Variants in ARHGAP15 observed in about 807,000 individuals in gnomAD.
The protein encoded by ARHGAP15 is rho GTPase-activating protein 15.
A neutral mutation model predicts 63.7 loss-of-function variants in ARHGAP15; 51 were observed. The ratio of observed to expected loss-of-function variants is 0.80; its 90% CI spans 0.64 to 1.01. ARHGAP15 has a LOEUF of 1.01. Among genes scored for constraint, ARHGAP15 ranks in the 50% least tolerant of loss-of-function variants. The pLI is 0.00. For synonymous variants in ARHGAP15, 191 were observed against 193.8 expected (o/e 0.99, Z 0.12); for missense variants, 560 against 564.6 (o/e 0.99, Z 0.08).
At chr2:143,520,876 G>A (rs781180699) in intron 10 of ARHGAP15, among the ~76,000 whole-genome samples, 3 of 152,064 alleles carry the variant, frequency 2.0e-5, no homozygotes, top group East Asian at 1.9e-4. Context: ...GTAAAGAAGC[G>A]CTCCATTCCT....
intron 6 of ARHGAP15, among the ~76,000 whole-genome samples, chr2:143,286,837 A>G (rs185543111): frequency 2.0e-5 from 3 of 152,330 alleles, no homozygotes; most frequent in African/African-American, 7.2e-5. Flanking sequence ...CATAGATGGT[A>G]TAGTCTACCA....
intron 6 of ARHGAP15, among the ~76,000 whole-genome samples, chr2:143,390,860 C>G (rs1282465503): frequency 2.6e-5 from 4 of 152,150 alleles, no homozygotes; most frequent in African/African-American, 4.8e-5. Context: ...CTTTTTACAG[C>G]AACCCTGATT....
chr2:143,595,920 C>T (rs1697499235), intron 11 of ARHGAP15, among the ~76,000 whole-genome samples: 1 of 152,092 alleles, frequency 6.6e-6, no homozygotes, highest in Non-Finnish European at 1.5e-5. Flanking sequence ...AGATCCATCC[C>T]TTAAACTGAA....
chr2:143,306,857 A>G (rs1025349829), intron 6 of ARHGAP15, among the ~76,000 whole-genome samples: 1 of 152,140 alleles, frequency 6.6e-6, no homozygotes, highest in African/African-American at 2.4e-5. Flanking sequence ...CACAAATCAC[A>G]AACTTGACAG....
At chr2:143,282,015 G>GT (rs1412890403) in intron 6 of ARHGAP15, among the ~76,000 whole-genome samples, 3 of 152,024 alleles carry the variant, frequency 2.0e-5, no homozygotes. Flanking sequence ...GTACTCATAA[G>GT]TTTTTTCTTT....
chr2:143,586,687 T>A (rs929100698), intron 11 of ARHGAP15, among the ~76,000 whole-genome samples: 1 of 149,960 alleles, frequency 6.7e-6, no homozygotes, highest in Non-Finnish European at 1.5e-5. Context: ...ATTTTTTTTT[T>A]AACTATAGGT....
At chr2:143,539,563 G>A (rs1574602348) in intron 10 of ARHGAP15, among the ~76,000 whole-genome samples, 3 of 152,172 alleles carry the variant, frequency 2.0e-5, no homozygotes, top group East Asian at 3.9e-4. Context: ...GTGTCCCAGA[G>A]ATTCTGGTAT....
chr2:143,307,962 C>A (rs1175061196), intron 6 of ARHGAP15, among the ~76,000 whole-genome samples: 1 of 152,104 alleles, frequency 6.6e-6, no homozygotes, highest in African/African-American at 2.4e-5. Context: ...AGATACAGCA[C>A]ACAGTTTTAT....
chr2:143,478,180 ATGTCCATGG>A (rs1230146290), intron 8 of ARHGAP15, among the ~76,000 whole-genome samples: 1 of 152,150 alleles, frequency 6.6e-6, no homozygotes, highest in Admixed American at 6.5e-5. Flanking sequence ...AACTCAATTC[ATGTCCATGG>A]TGGTTACAGT....
intron 2 of ARHGAP15, among the ~76,000 whole-genome samples, chr2:143,177,436 A>C (rs1691051934): frequency 6.6e-6 from 1 of 150,624 alleles, no homozygotes; most frequent in African/African-American, 2.4e-5. Flanking sequence ...GGTTACATTC[A>C]GGTCAGACAA....
chr2:143,172,483 C>A (rs528275849), intron 2 of ARHGAP15, among the ~76,000 whole-genome samples: 2 of 152,090 alleles, frequency 1.3e-5, no homozygotes, highest in African/African-American at 4.8e-5. Flanking sequence ...TATTAAGGAG[C>A]CTGTCCATCC....
chr2:143,218,317 T>C (rs1161375858), intron 4 of ARHGAP15, among the ~76,000 whole-genome samples: 2 of 149,788 alleles, frequency 1.3e-5, no homozygotes, highest in East Asian at 3.9e-4. Context: ...CTGTTGTTGT[T>C]ACCCCAGGTG....
chr2:143,395,064 A>C (rs1271711879), intron 6 of ARHGAP15, among the ~76,000 whole-genome samples: 1 of 152,194 alleles, frequency 6.6e-6, no homozygotes, highest in Non-Finnish European at 1.5e-5. Flanking sequence ...ACCAAACCAA[A>C]CATAAATAAT....
chr2:143,290,571 CT>C (rs199588894), intron 6 of ARHGAP15, among the ~76,000 whole-genome samples: 1,869 of 151,940 alleles, frequency 0.012, 36 homozygotes, highest in South Asian at 0.1. Flanking sequence ...ATTTAGAAAA[CT>C]TTTTTTTAAC....
chr2:143,309,453 C>A (rs548211078), intron 6 of ARHGAP15, among the ~76,000 whole-genome samples: 1 of 152,084 alleles, frequency 6.6e-6, no homozygotes, highest in South Asian at 2.1e-4. Flanking sequence ...TATTTAACAA[C>A]CTTTAAATGA....
At chr2:143,538,783 A>T (rs1163508181) in intron 10 of ARHGAP15, among the ~76,000 whole-genome samples, 2 of 152,158 alleles carry the variant, frequency 1.3e-5, no homozygotes, top group Admixed American at 6.5e-5. Context: ...TCGGTTTGCC[A>T]GTATTTTATT....
chr2:143,432,338 A>G (rs937297903), intron 6 of ARHGAP15, among the ~76,000 whole-genome samples: 1 of 152,078 alleles, frequency 6.6e-6, no homozygotes, highest in Non-Finnish European at 1.5e-5. Flanking sequence ...TATTGATGAG[A>G]GTGTTACTTA....
intron 6 of ARHGAP15, among the ~76,000 whole-genome samples, chr2:143,412,134 T>C (rs1393464854): frequency 6.6e-6 from 1 of 152,206 alleles, no homozygotes; most frequent in African/African-American, 2.4e-5. Flanking sequence ...TTTTAATGAT[T>C]GCTCTGTCAG....
At chr2:143,181,946 A>ATTTT (rs371579129) in intron 2 of ARHGAP15, among the ~76,000 whole-genome samples, 4 of 145,274 alleles carry the variant, frequency 2.8e-5, no homozygotes, top group African/African-American at 7.6e-5. Context: ...CTAGCTTTTG[A>ATTTT]TTTTTTTTTT....
Sources: allele counts gnomAD v4.1 joint callset (sites outside exome capture counted in the v4.1 genomes callset), GRCh38; gene constraint gnomAD v4.1.1; transcripts MANE v1.5; gene names NCBI Gene and HGNC (gene_info 2026-07-23, HGNC 2026-07-21).